RNASE4: variants seen among roughly 807,000 people sequenced by gnomAD.
The protein encoded by RNASE4 is ribonuclease A family member 4.
For synonymous variants in RNASE4, 93 were observed against 71.4 expected, an observed-to-expected ratio of 1.30 and a Z score of -1.52; for missense variants, 194 against 192.8, an observed-to-expected ratio of 1.01 and a Z score of -0.04.
At chr14:20,691,149 C>T (rs1453501121) in intron 1 of RNASE4, among the ~76,000 whole-genome samples, 1 of 152,190 alleles carries the variant, frequency 6.6e-6, no homozygotes, top group Non-Finnish European at 1.5e-5. Context: ...ACAGCATTGG[C>T]ACCTCCTGCA....
At chr14:20,686,847 C>G (rs563697133) in intron 1 of RNASE4, among the ~76,000 whole-genome samples, 1 of 152,266 alleles carries the variant, frequency 6.6e-6, no homozygotes, top group African/African-American at 2.4e-5. Flanking sequence ...CCATTCTTCC[C>G]ATCATCTAAT....
chr14:20,697,588 A>C (rs539036677), intron 1 of RNASE4, among the ~76,000 whole-genome samples: 15 of 152,348 alleles, frequency 9.8e-5, no homozygotes, highest in African/African-American at 3.4e-4. Flanking sequence ...AATAATGAAA[A>C]GGTAGCCTTT....
Position 20,699,518 on chromosome 14 carries a change from T to C in RNASE4, c.147T>C (p.Ser49=). The C allele has an allele frequency of 3.7e-6, 6 of 1,614,200 alleles. No individual in the cohort carries two copies. The highest frequency in any genetic ancestry group is 5.1e-6 in the Non-Finnish European group (6 of 1,180,044). The change falls in exon 2 of 2, where the codon AGT becomes AGC. Residue 49 remains serine, a synonymous_variant. Transcript: ENST00000555835. Reference sequence around the variant, plus strand: ...TGCACCCTGAGGAGACAGGTGGCAGTGATCGCTACTGCAACTTGATGATGC... The same window carrying C: ...TGCACCCTGAGGAGACAGGTGGCAGCGATCGCTACTGCAACTTGATGATGC... ...QHVHPEETGG[S]DRYCNLMMQR... is the part of the protein sequence containing the mutation.
At chr14:20,692,899 G>C (rs990319603) in intron 1 of RNASE4, among the ~76,000 whole-genome samples, 1 of 152,000 alleles carries the variant, frequency 6.6e-6, no homozygotes, top group Non-Finnish European at 1.5e-5. Context: ...CAAGGCTGGA[G>C]TGCAGTGGCG....
Position 20,693,150 on chromosome 14 carries a change from A to G in RNASE4, c.-17-6205A>G, listed in dbSNP as rs540552538. 2.0e-5 allele frequency among the ~76,000 whole-genome samples: 3 copies of G among 152,288 alleles called. No individual in the cohort carries two copies. The South Asian group carries it at 6.2e-4, about 32-fold the overall frequency. On this transcript the variant is annotated intron_variant, in intron 1 of 1. Coordinates refer to ENST00000555835, the MANE Select transcript of RNASE4 (RefSeq NM_002937.5). ...GCGTGAGCCACCGCGCCCGGCCGTC[A>G]TTTGGTATGTCTTAATGTGCCTCAG...
intron 1 of RNASE4, chr14:20,693,545 A>G (rs111777591): frequency 1.9e-6 from 3 of 1,610,716 alleles, no homozygotes; most frequent in African/African-American, 2.7e-5. Flanking sequence ...TGCCCTCCGC[A>G]GGAGCCTGTG....
At chr14:20,693,604 CTGGGTCTGGGTCTGACCCCA>C (rs1886924493) in intron 1 of RNASE4, 1 of 1,613,762 alleles carries the variant, frequency 6.2e-7, no homozygotes, top group East Asian at 2.2e-5. Flanking sequence ...GGTCTTCGTG[CTGGGTCTGGGTCTGACCCCA>C]CCGACCCTGG....
chr14:20,696,205 G>A (rs759145481), intron 1 of RNASE4, among the ~76,000 whole-genome samples: 2 of 152,180 alleles, frequency 1.3e-5, no homozygotes, highest in South Asian at 2.1e-4. Context: ...CATTATCATC[G>A]CATAGTTTGC....
chr14:20,699,475 G>T lies in RNASE4; in HGVS notation c.104G>T (p.Arg35Leu), dbSNP rs771952196. 1 of 1,614,044 alleles carries T rather than the reference G, an allele frequency of 6.2e-7. No individual in the cohort carries two copies. The highest frequency in any genetic ancestry group is 1.1e-5 in the South Asian group (1 of 91,082). The change falls in exon 2 of 2, where the codon CGA becomes CTA. Residue 35 changes from arginine (R) to leucine (L), a missense_variant. Transcript: ENST00000555835. ...TATGGCCAGGATGGCATGTACCAGC[G>T]ATTCCTGCGGCAACACGTGCACCCT... is the stretch of plus-strand genomic sequence containing the variant. ...PSYGQDGMYQ[R>L]FLRQHVHPEE...
intron 1 of RNASE4, chr14:20,688,580 T>C (rs1454259874): frequency 4.9e-6 from 3 of 616,674 alleles, no homozygotes; most frequent in Non-Finnish European, 6.1e-6. Flanking sequence ...GAAGGCCATG[T>C]TTCTCAAACT....
chr14:20,694,228 C>A, intron 1 of RNASE4: 1 of 625,700 alleles, frequency 1.6e-6, no homozygotes. Flanking sequence ...GATCTTTCCC[C>A]CATTTTCTCT....
chr14:20,693,853 A>G, intron 1 of RNASE4: 2 of 1,614,178 alleles, frequency 1.2e-6, no homozygotes. Flanking sequence ...AAGAATAAGC[A>G]AGTCTTCTTT....
chr14:20,698,012 A>T (rs902357237), intron 1 of RNASE4, among the ~76,000 whole-genome samples: 5 of 152,172 alleles, frequency 3.3e-5, no homozygotes, highest in African/African-American at 1.2e-4. Context: ...CTGAGCATAA[A>T]TGTCTTTGAT....
chr14:20,688,805 G>A, intron 1 of RNASE4: 1 of 985,310 alleles, frequency 1.0e-6, no homozygotes, highest in Non-Finnish European at 1.2e-6. Context: ...CCATCTCCAG[G>A]AACAAACAGC....
At chr14:20,693,492 C>G (rs1886912924) in intron 1 of RNASE4, 6 of 1,600,212 alleles carry the variant, frequency 3.7e-6, no homozygotes, top group Non-Finnish European at 5.1e-6. Context: ...GTCCTTTTGG[C>G]CTAATTTGGT....
intron 1 of RNASE4, among the ~76,000 whole-genome samples, chr14:20,685,265 C>T (rs941271301): frequency 6.6e-6 from 1 of 152,172 alleles, no homozygotes. Context: ...CTTCTCTAAG[C>T]CTTCCTACTG....
In RNASE4 at chr14:20,699,765, G is replaced by A; in HGVS notation, c.394G>A (p.Val132Ile). 1.9e-6 allele frequency: 3 copies of A among 1,612,208 alleles called. No homozygotes were observed. Among genetic ancestry groups the A allele is most frequent in the Non-Finnish European group, 2.5e-6 (3 of 1,180,030 alleles). ...YRAIASTRRV[V>I]IACEGNPQVP... ...GGCCATAGCGAGCACTAGACGTGTT[G>A]TCATTGCCTGTGAGGGTAACCCACA... Residue 132 changes from valine to isoleucine, a missense_variant, in exon 2 of 2, where the codon GTC becomes ATC. Transcript: ENST00000555835.
chr14:20,697,014 G>A (rs771411566), intron 1 of RNASE4, among the ~76,000 whole-genome samples: 2 of 152,200 alleles, frequency 1.3e-5, no homozygotes, highest in African/African-American at 2.4e-5. Flanking sequence ...AAAAGTGTGC[G>A]TTGGGATGAT....
chr14:20,685,742 G>A lies in RNASE4; in HGVS notation c.-18+984G>A, dbSNP rs551742703. Among the ~76,000 whole-genome samples, 157 of 152,112 alleles carry A rather than the reference G, an allele frequency of 1.0e-3. 1 individual carries two copies. The highest frequency in any genetic ancestry group is 1.7e-3 in the Non-Finnish European group (118 of 68,016). ...TGATTGTCTAGAAAGTACTAGTATG[G>A]AATATAAAAGTTGTGTGGGCCCGGC... On this transcript the variant is annotated intron_variant, in intron 1 of 1. Coordinates refer to ENST00000555835, the MANE Select transcript of RNASE4 (RefSeq NM_002937.5).
Sources: allele counts gnomAD v4.1 joint callset (sites outside exome capture counted in the v4.1 genomes callset), GRCh38; gene constraint gnomAD v4.1.1; transcripts MANE v1.5; gene names NCBI Gene and HGNC (gene_info 2026-07-23, HGNC 2026-07-21).